SNX29: variants seen among roughly 807,000 people sequenced by gnomAD.
The protein encoded by SNX29 is sorting nexin 29, also known as sorting nexin-29.
A neutral mutation model predicts 102.1 loss-of-function variants in SNX29; 78 were observed. That is an observed-to-expected ratio of 0.76 (90% CI 0.64 to 0.92). SNX29 has a LOEUF of 0.92. Ranked by LOEUF, SNX29 falls within the 40% of genes least tolerant of loss-of-function variation. SNX29 has a pLI of 0.00. For synonymous variants in SNX29, 580 were observed against 414.5 expected (o/e 1.40, Z -4.85); for missense variants, 1,280 against 1,061.7 (o/e 1.21, Z -2.86).
At chr16:12,346,713 CT>C (rs2081820963) in intron 15 of SNX29, among the ~76,000 whole-genome samples, 1 of 152,188 alleles carries the variant, frequency 6.6e-6, no homozygotes, top group African/African-American at 2.4e-5. Context: ...TTTCTTTCCC[CT>C]GTCATTGCTC....
chr16:12,240,551 T>G (rs1438180433), intron 14 of SNX29, among the ~76,000 whole-genome samples: 3 of 151,582 alleles, frequency 2.0e-5, no homozygotes, highest in Non-Finnish European at 4.4e-5. Flanking sequence ...GCGGCTGTGC[T>G]TCTTACTTAT....
chr16:12,562,518 T>C (rs371753832), intron 20 of SNX29, among the ~76,000 whole-genome samples: 1 of 152,182 alleles, frequency 6.6e-6, no homozygotes. Context: ...CAAGTACACC[T>C]GCTGGTGAAT....
At chr16:12,560,503 C>T (rs917748526) in intron 20 of SNX29, among the ~76,000 whole-genome samples, 1 of 152,142 alleles carries the variant, frequency 6.6e-6, no homozygotes, top group African/African-American at 2.4e-5. Context: ...CTGGGCACGC[C>T]TGTCCTGCCC....
At chr16:12,215,884 A>T (rs749251900) in intron 14 of SNX29, among the ~76,000 whole-genome samples, 3 of 152,164 alleles carry the variant, frequency 2.0e-5, no homozygotes, top group Non-Finnish European at 4.4e-5. Flanking sequence ...TGCCCTCATT[A>T]TAGTGCTATT....
intron 15 of SNX29, among the ~76,000 whole-genome samples, chr16:12,334,872 C>G (rs550547845): frequency 1.6e-5 from 2 of 124,670 alleles, no homozygotes; most frequent in East Asian, 5.1e-4. Flanking sequence ...GTGTCAGCCC[C>G]TTTTGCTTTA....
At chr16:12,369,209 C>A (rs984504148) in intron 16 of SNX29, among the ~76,000 whole-genome samples, 1 of 151,738 alleles carries the variant, frequency 6.6e-6, no homozygotes, top group African/African-American at 2.4e-5. Flanking sequence ...GATCTCGGCT[C>A]ACTACAACCT....
At position 12,569,860 on chromosome 16, in the gene SNX29, T is replaced by C. The variant is rs942507016; in HGVS notation, c.*1231T>C. On this transcript the variant is annotated 3_prime_UTR_variant, in exon 21 of 21. Coordinates refer to ENST00000566228, the MANE Select transcript of SNX29 (RefSeq NM_032167.5). ...ACTAACTAGGAAGGATGTCGTGAAATGGACTATGCAAGAGTAAGTTTGTGT... is the reference window on the plus strand; with the variant it reads ...ACTAACTAGGAAGGATGTCGTGAAACGGACTATGCAAGAGTAAGTTTGTGT... The C allele has an allele frequency of 4.3e-5, 10 of 231,104 alleles. No homozygotes were observed. Among genetic ancestry groups the C allele is most frequent in the Non-Finnish European group, 7.7e-5 (9 of 116,778 alleles). 14.3% of individuals were successfully genotyped at this position (231,104 alleles called of 1,614,324 possible).
At chr16:12,301,895 C>G (rs867458471) in intron 15 of SNX29, among the ~76,000 whole-genome samples, 1 of 152,230 alleles carries the variant, frequency 6.6e-6, no homozygotes, top group Non-Finnish European at 1.5e-5. Context: ...TTGATAGTCA[C>G]ACTATCACTT....
At chr16:12,027,253 T>C in intron 3 of SNX29, 67 bp from the exon 4 acceptor site, 1 of 1,597,130 alleles carries the variant, frequency 6.3e-7, no homozygotes, top group South Asian at 1.1e-5. Flanking sequence ...TTCCTGGAGA[T>C]GCTGGGGCCG....
At chr16:12,392,977 A>G (rs2083584358) in intron 16 of SNX29, among the ~76,000 whole-genome samples, 2 of 152,254 alleles carry the variant, frequency 1.3e-5, no homozygotes, top group Non-Finnish European at 1.5e-5. Flanking sequence ...ATGCCATTTC[A>G]CATTCTGTTC....
chr16:12,170,702 C>A (rs573039546), intron 13 of SNX29, among the ~76,000 whole-genome samples: 1 of 151,682 alleles, frequency 6.6e-6, no homozygotes, highest in South Asian at 2.1e-4. Context: ...TAGACACGGT[C>A]CCAGAGAAGG....
At chr16:12,371,481 A>T (rs1334282461) in intron 16 of SNX29, among the ~76,000 whole-genome samples, 1 of 152,100 alleles carries the variant, frequency 6.6e-6, no homozygotes. Flanking sequence ...TATTTTTAAA[A>T]TTTTTTTGTA....
chr16:12,499,402 G>A (rs1267637045), intron 19 of SNX29, among the ~76,000 whole-genome samples: 2 of 152,208 alleles, frequency 1.3e-5, no homozygotes, highest in East Asian at 3.8e-4. Context: ...ACCCGAGCAG[G>A]GCAAGACATA....
chr16:12,224,600 G>A (rs934046739), intron 14 of SNX29, among the ~76,000 whole-genome samples: 1 of 152,232 alleles, frequency 6.6e-6, no homozygotes, highest in Non-Finnish European at 1.5e-5. Context: ...GAGTTCTTCA[G>A]GTCAAAACAG....
At chr16:12,119,158 T>G (rs997469159) in intron 11 of SNX29, among the ~76,000 whole-genome samples, 16 of 152,310 alleles carry the variant, frequency 1.1e-4, no homozygotes, top group African/African-American at 3.6e-4. Context: ...AACTCAGGAC[T>G]GGTGGCAGCC....
At chr16:12,371,634 CTTCCT>C (rs2082686919) in intron 16 of SNX29, among the ~76,000 whole-genome samples, 1 of 152,106 alleles carries the variant, frequency 6.6e-6, no homozygotes, top group Non-Finnish European at 1.5e-5. Context: ...GGGAGAGTGG[CTTCCT>C]TTCGTTTCTC....
At chr16:12,066,779 C>G (rs1230807657) in intron 9 of SNX29, among the ~76,000 whole-genome samples, 1 of 151,626 alleles carries the variant, frequency 6.6e-6, no homozygotes, top group Non-Finnish European at 1.5e-5. Context: ...GTTCCTTGGG[C>G]CATTCCAGTT....
chr16:12,444,764 A>C (rs1237147359), intron 18 of SNX29, among the ~76,000 whole-genome samples: 1 of 151,924 alleles, frequency 6.6e-6, no homozygotes, highest in African/African-American at 2.4e-5. Context: ...TCACATCTCC[A>C]GAACCCCTTC....
rs114178339 is a variant in SNX29, at chr16:12,394,802, C to T, written c.1900-3644C>T. 5.3e-3 allele frequency among the ~76,000 whole-genome samples: 804 copies of T among 152,356 alleles called. 10 individuals carry two copies. Among genetic ancestry groups the T allele is most frequent in the African/African-American group, 0.018 (762 of 41,582 alleles). ...TGGGCTCCTGATATCTTTACTTCCT[C>T]TGTGTTTATTCACAGTGATCTCTCT... On this transcript the variant is annotated intron_variant, in intron 16 of 20. Transcript: ENST00000566228.
Sources: allele counts gnomAD v4.1 joint callset (sites outside exome capture counted in the v4.1 genomes callset), GRCh38; gene constraint gnomAD v4.1.1; transcripts MANE v1.5; gene names NCBI Gene and HGNC (gene_info 2026-07-23, HGNC 2026-07-21).